GPAM: variants seen among roughly 807,000 people sequenced by gnomAD.
The protein encoded by GPAM is glycerol-3-phosphate acyltransferase, mitochondrial.
Under a neutral mutation model 105.0 loss-of-function variants are expected in GPAM, and 56 were observed. That is an observed-to-expected ratio of 0.53 (90% CI 0.43 to 0.67). The LOEUF (loss-of-function observed/expected upper bound fraction) is 0.67, where lower values mean the gene tolerates loss of function less well. Among genes scored for constraint, GPAM ranks in the 30% least tolerant of loss-of-function variants. The probability of loss-of-function intolerance (pLI) is 0.00; values close to 1 mark genes in which losing one functional copy is unlikely to be tolerated. For synonymous variants in GPAM, 368 were observed against 354.4 expected (o/e 1.04, Z -0.43); for missense variants, 855 against 989.8 (o/e 0.86, Z 1.83).
intron 1 of GPAM, among the ~76,000 whole-genome samples, chr10:112,214,554 C>G (rs2133310766): frequency 6.6e-6 from 1 of 152,322 alleles, no homozygotes; most frequent in Non-Finnish European, 1.5e-5. Context: ...CTGCCCGATC[C>G]AAGCTCAGAA....
intron 1 of GPAM, among the ~76,000 whole-genome samples, chr10:112,190,112 A>ATTTT: frequency 6.6e-6 from 1 of 152,334 alleles, no homozygotes; most frequent in East Asian, 1.9e-4. Flanking sequence ...CAAATAAATA[A>ATTTT]ATATATTTCT....
Position 112,158,375 on chromosome 10 carries a change from G to A in GPAM, c.1921C>T (p.Gln641Ter), listed in dbSNP as rs768572993. ...TTTCCTACTGTTTCATGGCAGACTT[G>A]GTAAAATGTCTGGCAAGGCTGAAAA... is the stretch of plus-strand genomic sequence containing the variant. ...TISLPCQTFY[Q>*]VCHETVGKFI... The change falls in exon 18 of 22, where the codon CAA becomes TAA. Residue 641 changes from glutamine (Q) to a stop codon, truncating the protein, a stop_gained. Coordinates refer to ENST00000348367, the MANE Select transcript of GPAM (RefSeq NM_001244949.2). LOFTEE classifies it high-confidence loss of function. The A allele has an allele frequency of 2.5e-6, 4 of 1,600,026 alleles. No homozygotes were observed. The South Asian group carries it at 3.3e-5, about 13-fold the overall frequency.
chr10:112,199,818 C>T (rs1847771174), intron 1 of GPAM, among the ~76,000 whole-genome samples: 1 of 152,092 alleles, frequency 6.6e-6, no homozygotes, highest in Non-Finnish European at 1.5e-5. Flanking sequence ...TCTCATGAGA[C>T]TTATTCCCTA....
Position 112,150,312 on chromosome 10 carries a change from C to A in GPAM, c.*3238G>T, listed in dbSNP as rs982817056. The A allele has an allele frequency of 4.1e-6, 4 of 985,114 alleles. No homozygotes were observed. The highest frequency in any genetic ancestry group is 4.8e-6 in the Non-Finnish European group (4 of 829,408). 61.0% of individuals were successfully genotyped at this position (985,114 alleles called of 1,614,324 possible). Reference sequence around the variant, plus strand: ...AAACGTACAATACTTTCTTCTAGATCTGAATTAAAACCTTATTTACCCCAA... The same window carrying A: ...AAACGTACAATACTTTCTTCTAGATATGAATTAAAACCTTATTTACCCCAA... On this transcript the variant is annotated 3_prime_UTR_variant, in exon 22 of 22. Coordinates refer to ENST00000348367, the MANE Select transcript of GPAM (RefSeq NM_001244949.2).
intron 1 of GPAM, chr10:112,214,517 T>C (rs1286342382): frequency 6.6e-6 from 1 of 152,148 alleles, no homozygotes; most frequent in Admixed American, 6.5e-5. Context: ...TCCTCTACAG[T>C]GAGAAAGTCC....
At chr10:112,191,952 C>T (rs545728174) in intron 1 of GPAM, among the ~76,000 whole-genome samples, 14 of 152,116 alleles carry the variant, frequency 9.2e-5, no homozygotes, top group East Asian at 1.9e-4. Context: ...GAAACCGCAG[C>T]GAAGGTCCCA....
intron 13 of GPAM, among the ~76,000 whole-genome samples, 154 bp downstream of exon 13, chr10:112,164,369 CAT>C (rs1332856093): frequency 6.6e-6 from 1 of 152,154 alleles, no homozygotes; most frequent in African/African-American, 2.4e-5. Context: ...AATATGAAAA[CAT>C]GTCATCTCAA....
In GPAM at chr10:112,168,968, A is replaced by T; in HGVS notation, c.795-16T>A. On this transcript the variant is annotated splice_polypyrimidine_tract_variant and intron_variant, in intron 9 of 21. Coordinates refer to ENST00000348367, the MANE Select transcript of GPAM (RefSeq NM_001244949.2). ...GATCAAGGTACTATAAATTCAGAAT[A>T]CATGAATTATTTACAAAGAAAAATG... 1 of 1,422,408 alleles carries T rather than the reference A, an allele frequency of 7.0e-7. No homozygotes were observed. The highest frequency in any genetic ancestry group is 1.0e-6 in the Non-Finnish European group (1 of 1,004,948). 88.1% of individuals were successfully genotyped at this position (1,422,408 alleles called of 1,614,324 possible).
At chr10:112,174,945 T>C (rs1847377116) in intron 6 of GPAM, among the ~76,000 whole-genome samples, 1 of 152,202 alleles carries the variant, frequency 6.6e-6, no homozygotes, top group African/African-American at 2.4e-5. Context: ...TAATTCACCC[T>C]GGTCTCCTGC....
chr10:112,227,071 G>A, the GPAM span, among the ~76,000 whole-genome samples: 3,502 of 152,204 alleles, frequency 0.023, 141 homozygotes, highest in African/African-American at 0.08. Context: ...TCCCAACACC[G>A]TGACCCCTCA....
At chr10:112,159,521 C>A (rs1847084239) in intron 17 of GPAM, among the ~76,000 whole-genome samples, 1 of 152,118 alleles carries the variant, frequency 6.6e-6, no homozygotes, top group Non-Finnish European at 1.5e-5. Context: ...CCGCACCTGG[C>A]CGAGCAGATG....
At chr10:112,194,792 C>T (rs2133286779) in intron 1 of GPAM, among the ~76,000 whole-genome samples, 1 of 152,274 alleles carries the variant, frequency 6.6e-6, no homozygotes, top group East Asian at 1.9e-4. Context: ...TTCTACCCCC[C>T]TAGATGTTTT....
chr10:112,171,037 G>T (rs1847304358), intron 9 of GPAM, among the ~76,000 whole-genome samples: 1 of 152,290 alleles, frequency 6.6e-6, no homozygotes, highest in South Asian at 2.1e-4. Flanking sequence ...TGCACAACCT[G>T]CCAGCCCACT....
In GPAM at chr10:112,153,180, A is replaced by T. The variant is rs921904468; in HGVS notation, c.*370T>A. ...CCAGCAGCACTAAGTATACCATGTA[A>T]GATTCAGTTCCAGAACACAGCTACA... On this transcript the variant is annotated 3_prime_UTR_variant, in exon 22 of 22. Transcript: ENST00000348367. 9.1e-7 allele frequency: 1 copy of T among 1,103,520 alleles called. No individual in the cohort carries two copies. The highest frequency in any genetic ancestry group is 1.6e-5 in the African/African-American group (1 of 61,506). The allele number at this position is 1,103,520 out of a possible 1,614,324, so 68.4% of individuals were successfully genotyped here.
chr10:112,180,676 T>A, intron 3 of GPAM, 81 bp from the exon 4 acceptor site: 1 of 1,302,434 alleles, frequency 7.7e-7, no homozygotes, highest in East Asian at 2.3e-5. Context: ...CTAAAGTATT[T>A]TGAACAGAAG....
chr10:112,162,220 C>G (rs1157433615), intron 14 of GPAM, among the ~76,000 whole-genome samples: 2 of 152,170 alleles, frequency 1.3e-5, no homozygotes, highest in Non-Finnish European at 2.9e-5. Context: ...AATCTGGGCT[C>G]AAATCCTAAT....
intron 3 of GPAM, among the ~76,000 whole-genome samples, chr10:112,180,843 T>C (rs1373375434): frequency 6.6e-6 from 1 of 152,174 alleles, no homozygotes; most frequent in Non-Finnish European, 1.5e-5. Context: ...AACTAAATTG[T>C]AGAAGGTCAA....
chr10:112,209,618 T>G (rs555578941), intron 1 of GPAM, among the ~76,000 whole-genome samples: 1 of 152,244 alleles, frequency 6.6e-6, no homozygotes, highest in Admixed American at 6.5e-5. Context: ...ATGGTCCCCC[T>G]GGTTTTCCCA....
Position 112,152,139 on chromosome 10 carries a change from C to T in GPAM, c.*1411G>A. 1.0e-6 allele frequency: 1 copy of T among 972,792 alleles called. No individual in the cohort carries two copies. The highest frequency in any genetic ancestry group is 1.2e-6 in the Non-Finnish European group (1 of 818,568). The allele number at this position is 972,792 out of a possible 1,614,324, so 60.3% of individuals were successfully genotyped here. On this transcript the variant is annotated 3_prime_UTR_variant, in exon 22 of 22. Coordinates refer to ENST00000348367, the MANE Select transcript of GPAM (RefSeq NM_001244949.2). ...GGAAGTACAAACTTAATTCTCAGTA[C>T]TTTTATACTAAATTCAAAGAATCTA...
Sources: gnomAD v4.1 joint callset for allele counts (sites outside exome capture counted in the v4.1 genomes callset) on GRCh38, gnomAD v4.1.1 for gene constraint, MANE v1.5 for transcripts, NCBI Gene and HGNC (gene_info 2026-07-23, HGNC 2026-07-21) for gene names.